TLE1: variants seen among roughly 807,000 people sequenced by gnomAD.
TLE1 encodes TLE family member 1, transcriptional corepressor, also known as transducin-like enhancer protein 1.
In TLE1, 21 loss-of-function variants were observed where a neutral mutation model predicts 89.8. The observed-to-expected ratio is 0.23, with a 90% confidence interval of 0.17 to 0.34. TLE1 has a LOEUF of 0.34. Ranked by LOEUF, TLE1 falls within the 10% of genes least tolerant of loss-of-function variation. The pLI, the probability that TLE1 is intolerant of heterozygous loss-of-function variation, is 1.00. For synonymous variants in TLE1, 447 were observed against 407.6 expected, an observed-to-expected ratio of 1.10 and a Z score of -1.16; for missense variants, 795 against 1,031.2, an observed-to-expected ratio of 0.77 and a Z score of 3.14.
chr9:81,688,086 A>G, intron 1 of TLE1, 131 bp downstream of exon 1: 1 of 1,192,686 alleles, frequency 8.4e-7, no homozygotes, highest in Non-Finnish European at 1.2e-6. Flanking sequence ...AGGGCCCCAG[A>G]CCTCCCCAGC....
chr9:81,669,107 CTTCTGGAAGAACAGAAAA>C (rs1431310291), intron 4 of TLE1, among the ~76,000 whole-genome samples: 1 of 152,232 alleles, frequency 6.6e-6, no homozygotes, highest in African/African-American at 2.4e-5. Context: ...TGCTGCACTC[CTTCTGGAAGAACAGAAAA>C]GACTTCCTGC....
chr9:81,670,638 G>A (rs1186306574), intron 4 of TLE1, among the ~76,000 whole-genome samples: 1 of 150,508 alleles, frequency 6.6e-6, no homozygotes, highest in Non-Finnish European at 1.5e-5. Flanking sequence ...ATATTGCTTT[G>A]AGAAGCAACA....
At chr9:81,646,169 G>A (rs1259807988) in intron 6 of TLE1, among the ~76,000 whole-genome samples, 1 of 152,168 alleles carries the variant, frequency 6.6e-6, no homozygotes, top group African/African-American at 2.4e-5. Context: ...AAATTAAAAA[G>A]TAAATGCTTC....
chr9:81,636,581 C>A (rs961612794), intron 6 of TLE1, among the ~76,000 whole-genome samples: 2 of 152,074 alleles, frequency 1.3e-5, no homozygotes, highest in African/African-American at 4.8e-5. Flanking sequence ...GAGGATGCCA[C>A]CCTCTCACCC....
At chr9:81,682,350 ACT>A (rs1237787394) in intron 4 of TLE1, among the ~76,000 whole-genome samples, 4 of 151,974 alleles carry the variant, frequency 2.6e-5, no homozygotes, top group Non-Finnish European at 5.9e-5. Context: ...CAAGTCCCAG[ACT>A]CTGAACACGT....
chr9:81,604,711 G>T (rs901622246), intron 14 of TLE1, among the ~76,000 whole-genome samples: 1 of 152,058 alleles, frequency 6.6e-6, no homozygotes. Flanking sequence ...GGACATTAAG[G>T]TCCCTCCTGC....
At chr9:81,636,478 A>G (rs1490624149) in intron 6 of TLE1, among the ~76,000 whole-genome samples, 1 of 151,886 alleles carries the variant, frequency 6.6e-6, no homozygotes, top group Non-Finnish European at 1.5e-5. Context: ...AATGATGCAT[A>G]CACAAGCAAG....
At position 81,661,773 on chromosome 9, in the gene TLE1, A is replaced by T. The variant is rs527693612; in HGVS notation, c.235-7737T>A. On this transcript the variant is annotated intron_variant, in intron 4 of 19. Coordinates refer to ENST00000376499, the MANE Select transcript of TLE1 (RefSeq NM_005077.5). ...ACCTTAAATCCCCCCCCCAAAAAAA[A>T]TGTACACAGAAACCTCACCGGCAAC... Among the ~76,000 whole-genome samples, 3 of 152,206 alleles carry T rather than the reference A, an allele frequency of 2.0e-5. No individual in the cohort carries two copies. In the East Asian group the frequency reaches 5.8e-4, roughly 29 times the overall value.
At chr9:81,623,960 G>A (rs182579127) in intron 8 of TLE1, among the ~76,000 whole-genome samples, 9 of 152,190 alleles carry the variant, frequency 5.9e-5, no homozygotes, top group African/African-American at 1.4e-4. Context: ...GATGTCCAGA[G>A]ACAGAGGTGA....
Position 81,616,126 on chromosome 9 carries a change from A to C in TLE1, c.774T>G (p.Ser258=). The C allele has an allele frequency of 1.9e-6, 3 of 1,610,414 alleles. No individual in the cohort carries two copies. In the South Asian group the frequency reaches 3.3e-5, roughly 18 times the overall value. ...AGTGGGCAGGGCTTGCTCGCGGAGA[A>C]GAAGGGTCCTCAACAAGCATAATCA... ...LVVDVSNEDP[S]SPRASPAHSP... is the part of the protein sequence containing the mutation. Residue 258 remains serine, a synonymous_variant, in exon 11 of 20, where the codon TCT becomes TCG. Transcript: ENST00000376499.
chr9:81,661,172 T>TTA (rs1050948179), intron 4 of TLE1, among the ~76,000 whole-genome samples: 33 of 132,838 alleles, frequency 2.5e-4, no homozygotes, highest in South Asian at 4.8e-4. Context: ...ACATATATAT[T>TTA]TATATATATG....
At chr9:81,590,551 G>A (rs1277349471) in intron 16 of TLE1, among the ~76,000 whole-genome samples, 6 of 152,170 alleles carry the variant, frequency 3.9e-5, no homozygotes, top group African/African-American at 1.4e-4. Flanking sequence ...GAACAAGTTT[G>A]GAGTCTGTAT....
chr9:81,600,089 T>C (rs1164565479), intron 14 of TLE1: 2 of 743,978 alleles, frequency 2.7e-6, no homozygotes, highest in Non-Finnish European at 5.0e-6. Flanking sequence ...TCCAAACTTC[T>C]CAATGTGCTG....
intron 8 of TLE1, among the ~76,000 whole-genome samples, chr9:81,624,909 C>T (rs545807161): frequency 9.4e-4 from 143 of 152,236 alleles, no homozygotes; most frequent in African/African-American, 3.3e-3. Flanking sequence ...TCAAAACAAA[C>T]TGAAATTCTA....
chr9:81,642,204 T>TA (rs941771346), intron 6 of TLE1, among the ~76,000 whole-genome samples: 11 of 152,262 alleles, frequency 7.2e-5, no homozygotes, highest in African/African-American at 2.4e-4. Context: ...CTCAAAAAGT[T>TA]AAAAATAGAA....
intron 6 of TLE1, among the ~76,000 whole-genome samples, chr9:81,634,574 T>C (rs142797375): frequency 6.6e-6 from 1 of 152,290 alleles, no homozygotes; most frequent in African/African-American, 2.4e-5. Flanking sequence ...ATCTACACTG[T>C]CACTTTCTGG....
intron 4 of TLE1, among the ~76,000 whole-genome samples, chr9:81,662,277 T>C (rs1291063378): frequency 6.6e-6 from 1 of 151,714 alleles, no homozygotes; most frequent in Non-Finnish European, 1.5e-5. Flanking sequence ...GCCATTAAAG[T>C]CATACTTTGA....
intron 14 of TLE1, among the ~76,000 whole-genome samples, chr9:81,593,609 T>C (rs1181229621): frequency 1.3e-5 from 2 of 152,156 alleles, no homozygotes; most frequent in Non-Finnish European, 2.9e-5. Context: ...ATAAAATACC[T>C]CCTTCCATGT....
At position 81,657,815 on chromosome 9, in the gene TLE1, A is replaced by G. The variant is rs146196744; in HGVS notation, c.235-3779T>C. Among the ~76,000 whole-genome samples, 1,174 of 152,172 alleles carry G rather than the reference A, an allele frequency of 7.7e-3. 3 individuals carry two copies. Among genetic ancestry groups the G allele is most frequent in the Non-Finnish European group, 0.012 (846 of 68,018 alleles). On this transcript the variant is annotated intron_variant, in intron 4 of 19. Coordinates refer to ENST00000376499, the MANE Select transcript of TLE1 (RefSeq NM_005077.5). ...CATCTCCAGATTACTTAAAATACCT[A>G]ATACAATGTAAATCCTAGGTAAATG...
Sources: allele counts gnomAD v4.1 joint callset (sites outside exome capture counted in the v4.1 genomes callset), GRCh38; gene constraint gnomAD v4.1.1; transcripts MANE v1.5; gene names NCBI Gene and HGNC (gene_info 2026-07-23, HGNC 2026-07-21).